Variants in WDFY3 observed in about 807,000 individuals in gnomAD.
The protein encoded by WDFY3 is WD repeat and FYVE domain-containing protein 3.
In WDFY3, 66 loss-of-function variants were observed where a neutral mutation model predicts 409.6. That is an observed-to-expected ratio of 0.16 (90% CI 0.13 to 0.20). The LOEUF (loss-of-function observed/expected upper bound fraction) is 0.20, where lower values mean the gene tolerates loss of function less well. Ranked by LOEUF, WDFY3 falls within the 10% of genes least tolerant of loss-of-function variation. The pLI, the probability that WDFY3 is intolerant of heterozygous loss-of-function variation, is 1.00. For missense variants in WDFY3, 3,031 were observed against 4,298.1 expected, an observed-to-expected ratio of 0.71 and a Z score of 8.24; for synonymous variants, 1,521 against 1,537.1, an observed-to-expected ratio of 0.99 and a Z score of 0.25.
chr4:84,856,997 A>C (rs995035799), intron 4 of WDFY3, among the ~76,000 whole-genome samples: 1 of 152,190 alleles, frequency 6.6e-6, no homozygotes, highest in African/African-American at 2.4e-5. Context: ...TAGTTTATTA[A>C]TTATATCCAA....
At chr4:84,714,180 G>T (rs935263246) in intron 50 of WDFY3, among the ~76,000 whole-genome samples, 1 of 152,072 alleles carries the variant, frequency 6.6e-6, no homozygotes, top group African/African-American at 2.4e-5. Context: ...GAGTGCAGTG[G>T]TGTGATCGTG....
At chr4:84,905,272 G>T (rs930186641) in intron 2 of WDFY3, among the ~76,000 whole-genome samples, 10 of 152,188 alleles carry the variant, frequency 6.6e-5, no homozygotes, top group African/African-American at 2.4e-4. Context: ...GGAGGTGGAG[G>T]TTGCAGTGAG....
chr4:84,733,628 G>C lies in WDFY3; in HGVS notation c.6994-19C>G, dbSNP rs376444056. On this transcript the variant is annotated intron_variant, in intron 43 of 67. Transcript: ENST00000295888. ...GCTGACGCTGACAGGAAAGAGTCCA[G>C]GTCGGTTTTCAAGCAAAAGCAGGAG... is the stretch of plus-strand genomic sequence containing the variant. The C allele has an allele frequency of 1.3e-6, 2 of 1,584,166 alleles. No individual in the cohort carries two copies. The highest frequency in any genetic ancestry group is 1.9e-5 in the Admixed American group (1 of 53,450).
In WDFY3 at chr4:84,960,485, C is replaced by T. The variant is rs181554907; in HGVS notation, c.-226+5724G>A. ...TGCACAAGACATTCGTGTATGTATA[C>T]GAACAAATGTATGAATCAATGACTG... On this transcript the variant is annotated intron_variant, in intron 1 of 67. Transcript: ENST00000295888. Among the ~76,000 whole-genome samples the T allele has an allele frequency of 1.3e-3, 191 of 152,264 alleles. 1 individual carries two copies. Among genetic ancestry groups the T allele is most frequent in the Admixed American group, 2.8e-3 (43 of 15,292 alleles).
intron 66 of WDFY3, 81 bp from the exon 67 acceptor site, chr4:84,677,477 ATG>A (rs1299863858): frequency 1.4e-6 from 2 of 1,394,370 alleles, no homozygotes; most frequent in African/African-American, 2.9e-5. Context: ...ATTTTGGTGG[ATG>A]TGTGTTTTGA....
At chr4:84,717,696 C>G (rs1375068718) in intron 48 of WDFY3, among the ~76,000 whole-genome samples, 1 of 152,154 alleles carries the variant, frequency 6.6e-6, no homozygotes, top group Non-Finnish European at 1.5e-5. Flanking sequence ...ACAACTCAGT[C>G]AGTAAATCTC....
At chr4:84,731,250 T>C (rs1371969078) in intron 44 of WDFY3, among the ~76,000 whole-genome samples, 3 of 152,222 alleles carry the variant, frequency 2.0e-5, no homozygotes, top group East Asian at 1.9e-4. Flanking sequence ...TTTGATTTGA[T>C]GGTAGAATTC....
chr4:84,696,848 TAA>T (rs143604772), intron 56 of WDFY3, 25 bp from the exon 57 acceptor site: 1 of 1,568,596 alleles, frequency 6.4e-7, no homozygotes, highest in Non-Finnish European at 8.7e-7. Flanking sequence ...ACATTAAAAA[TAA>T]AAAAAAAGAA....
At chr4:84,909,137 G>A (rs960687349) in intron 2 of WDFY3, among the ~76,000 whole-genome samples, 3 of 152,022 alleles carry the variant, frequency 2.0e-5, no homozygotes, top group African/African-American at 7.2e-5. Flanking sequence ...AACAAGATGG[G>A]CCAATATATA....
intron 44 of WDFY3, among the ~76,000 whole-genome samples, chr4:84,728,571 T>C (rs965706802): frequency 6.6e-6 from 1 of 152,122 alleles, no homozygotes; most frequent in African/African-American, 2.4e-5. Flanking sequence ...TGGATAGATA[T>C]GCAACAAATA....
Position 84,704,019 on chromosome 4 carries a change from C to T in WDFY3, c.8442+319G>A, listed in dbSNP as rs537413398. Among the ~76,000 whole-genome samples, 134 of 152,070 alleles carry T rather than the reference C, an allele frequency of 8.8e-4. 1 individual carries two copies. Among genetic ancestry groups the T allele is most frequent in the Admixed American group, 2.8e-3 (43 of 15,280 alleles). On this transcript the variant is annotated intron_variant, in intron 55 of 67. Coordinates refer to ENST00000295888, the MANE Select transcript of WDFY3 (RefSeq NM_014991.6). ...GAATGTACAGAAAAGCAATTATAATCGAGGAAACAGAGAATGAGCTGGAAT... is the reference window on the plus strand; with the variant it reads ...GAATGTACAGAAAAGCAATTATAATTGAGGAAACAGAGAATGAGCTGGAAT...
intron 1 of WDFY3, among the ~76,000 whole-genome samples, chr4:84,949,084 C>T (rs1394797131): frequency 6.6e-6 from 1 of 152,148 alleles, no homozygotes; most frequent in African/African-American, 2.4e-5. Flanking sequence ...TTGACCTTAA[C>T]ATGCAGCACT....
chr4:84,964,114 T>C (rs188828358), intron 1 of WDFY3, among the ~76,000 whole-genome samples: 4 of 152,188 alleles, frequency 2.6e-5, no homozygotes, highest in Non-Finnish European at 5.9e-5. Context: ...AAAGCAAATA[T>C]ATGCTATATT....
chr4:84,754,864 A>C (rs1394682842), intron 34 of WDFY3, among the ~76,000 whole-genome samples: 2 of 152,198 alleles, frequency 1.3e-5, no homozygotes, highest in Admixed American at 1.3e-4. Flanking sequence ...TTATTACATT[A>C]ATAAGTTAAT....
At chr4:84,960,800 T>C (rs768967264) in intron 1 of WDFY3, among the ~76,000 whole-genome samples, 6 of 152,224 alleles carry the variant, frequency 3.9e-5, no homozygotes, top group African/African-American at 1.4e-4. Flanking sequence ...AAGGGTTTTA[T>C]TTCATATCAT....
chr4:84,930,070 C>A (rs900228625), intron 2 of WDFY3, among the ~76,000 whole-genome samples: 1 of 152,190 alleles, frequency 6.6e-6, no homozygotes, highest in Non-Finnish European at 1.5e-5. Context: ...TGGCGTCAGA[C>A]TTCCAGCATA....
chr4:84,719,945 T>A (rs1227384665), intron 47 of WDFY3, among the ~76,000 whole-genome samples: 1 of 152,224 alleles, frequency 6.6e-6, no homozygotes, highest in African/African-American at 2.4e-5. Flanking sequence ...AAATTTCTAG[T>A]GACTACTTCT....
intron 8 of WDFY3, among the ~76,000 whole-genome samples, chr4:84,829,836 A>AATAAATAAATAAATAC (rs1755428529): frequency 6.6e-6 from 1 of 150,494 alleles, no homozygotes; most frequent in Non-Finnish European, 1.5e-5. Flanking sequence ...TAAATAAATA[A>AATAAATAAATAAATAC]ATAAATAAAT....
At chr4:84,679,346 C>T (rs1333026599) in intron 64 of WDFY3, 104 bp from the exon 65 acceptor site, 1 of 1,150,572 alleles carries the variant, frequency 8.7e-7, no homozygotes, top group East Asian at 2.8e-5. Flanking sequence ...CCTCTATAGA[C>T]ATAATATTTT....
Sources: gnomAD v4.1 joint callset for allele counts (sites outside exome capture counted in the v4.1 genomes callset) on GRCh38, gnomAD v4.1.1 for gene constraint, MANE v1.5 for transcripts, NCBI Gene and HGNC (gene_info 2026-07-23, HGNC 2026-07-21) for gene names.